Variants in BCO2 observed in about 807,000 individuals in gnomAD.
The protein encoded by BCO2 is beta-carotene oxygenase 2, also known as carotenoid-cleaving dioxygenase, mitochondrial.
Under a neutral mutation model 65.8 loss-of-function variants are expected in BCO2, and 56 were observed. That is an observed-to-expected ratio of 0.85 (90% CI 0.69 to 1.06). The LOEUF (loss-of-function observed/expected upper bound fraction) is 1.06. Among genes scored for constraint, BCO2 ranks in the 50% least tolerant of loss-of-function variants. The pLI, the probability that BCO2 is intolerant of heterozygous loss-of-function variation, is 0.00. For missense variants in BCO2, 675 were observed against 698.5 expected, an observed-to-expected ratio of 0.97 and a Z score of 0.38; for synonymous variants, 233 against 242.3, an observed-to-expected ratio of 0.96 and a Z score of 0.36.
intron 8 of BCO2, chr11:112,208,766 AG>A (rs1437761038): frequency 5.2e-6 from 1 of 191,818 alleles, no homozygotes; most frequent in Admixed American, 5.8e-5. Flanking sequence ...CAGCATTCTA[AG>A]GGAAGTAAAT....
At chr11:112,209,434 C>G (rs899387957) in intron 8 of BCO2, among the ~76,000 whole-genome samples, 1 of 152,038 alleles carries the variant, frequency 6.6e-6, no homozygotes, top group East Asian at 1.9e-4. Context: ...GAACTCATTT[C>G]TTTTTATCGC....
At chr11:112,205,376 T>C (rs1043679838) in intron 8 of BCO2, among the ~76,000 whole-genome samples, 1 of 152,256 alleles carries the variant, frequency 6.6e-6, no homozygotes, top group African/African-American at 2.4e-5. Context: ...ATATAGTGGT[T>C]TTAATTTGTA....
intron 2 of BCO2, chr11:112,181,445 T>C: frequency 1.5e-6 from 1 of 648,176 alleles, no homozygotes; most frequent in South Asian, 1.5e-5. Context: ...CCTCCCAAAG[T>C]GCTGGGATTA....
intron 2 of BCO2, chr11:112,180,719 G>A: frequency 2.5e-6 from 2 of 800,552 alleles, no homozygotes; most frequent in Non-Finnish European, 4.6e-6. Flanking sequence ...AAAGGTGGGA[G>A]GAGGACCAGG....
Position 112,179,258 on chromosome 11 carries a change from T to C in BCO2, c.89-20T>C. The C allele has an allele frequency of 3.1e-6, 5 of 1,609,228 alleles. No homozygotes were observed. The highest frequency in any genetic ancestry group is 4.3e-6 in the Non-Finnish European group (5 of 1,175,952). Reference sequence around the variant, plus strand: ...AGATTTGGTAAAATATTTTTTGTGCTTTTGGTTTCCTCTGCACAGTTTTCA... The same window carrying C: ...AGATTTGGTAAAATATTTTTTGTGCCTTTGGTTTCCTCTGCACAGTTTTCA... On this transcript the variant is annotated intron_variant, in intron 1 of 11. Transcript: ENST00000357685.
chr11:112,213,667 G>T lies in BCO2; in HGVS notation c.1195-57G>T, dbSNP rs1859574910. On this transcript the variant is annotated intron_variant, in intron 8 of 11. Transcript: ENST00000357685. ...TGATGTTGACTGGATCTAAATTATT[G>T]GGACATACTGTTACCATATGAATGA... 6 of 1,507,652 alleles carry T rather than the reference G, an allele frequency of 4.0e-6. No homozygotes were observed. The East Asian group carries it at 1.4e-4, about 34-fold the overall frequency. The allele number at this position is 1,507,652 out of a possible 1,614,324, so 93.4% of individuals were successfully genotyped here.
chr11:112,201,943 T>G, intron 7 of BCO2, 80 bp from the exon 8 acceptor site: 1 of 1,284,194 alleles, frequency 7.8e-7, no homozygotes, highest in Non-Finnish European at 1.1e-6. Context: ...TTTGAACTTT[T>G]TGGACCTGTT....
In BCO2 at chr11:112,218,286, GAGT is replaced by G. The variant is rs1859743967; in HGVS notation, c.*413_*415del. 1 of 162,480 alleles carries G rather than the reference GAGT, an allele frequency of 6.2e-6. No homozygotes were observed. Among genetic ancestry groups the G allele is most frequent in the South Asian group, 1.6e-4 (1 of 6,068 alleles). The allele number at this position is 162,480 out of a possible 1,614,324, so 10.1% of individuals were successfully genotyped here. On this transcript the variant is annotated 3_prime_UTR_variant, in exon 12 of 12. Transcript: ENST00000357685. Reference sequence around the variant, plus strand: ...CCAAGTCACGCCATGGCAGAGGCTCGAGTGCATACAAGCTTCGGTTTTACCCTT... The same window carrying G: ...CCAAGTCACGCCATGGCAGAGGCTCGGCATACAAGCTTCGGTTTTACCCTT...
At chr11:112,203,423 A>C (rs1431904754) in intron 8 of BCO2, among the ~76,000 whole-genome samples, 1 of 152,144 alleles carries the variant, frequency 6.6e-6, no homozygotes, top group Non-Finnish European at 1.5e-5. Context: ...CATGTCTATA[A>C]ATTTTAGAAT....
chr11:112,181,704 C>A, intron 2 of BCO2: 1 of 977,998 alleles, frequency 1.0e-6, no homozygotes, highest in Non-Finnish European at 1.7e-6. Context: ...CCGATTTTTA[C>A]TAGCAACTCC....
At chr11:112,177,293 T>C (rs1866911582) in intron 1 of BCO2, among the ~76,000 whole-genome samples, 2 of 152,206 alleles carry the variant, frequency 1.3e-5, no homozygotes, top group South Asian at 2.1e-4. Context: ...AGTTCCCAGA[T>C]TTTAGTATGC....
At position 112,213,713 on chromosome 11, in the gene BCO2, T is replaced by C. The variant is rs370212937; in HGVS notation, c.1195-11T>C. 22 of 1,611,682 alleles carry C rather than the reference T, an allele frequency of 1.4e-5. No individual in the cohort carries two copies. In the African/African-American group the frequency reaches 2.8e-4, roughly 21 times the overall value. On this transcript the variant is annotated splice_polypyrimidine_tract_variant and intron_variant, in intron 8 of 11. Coordinates refer to ENST00000357685, the MANE Select transcript of BCO2 (RefSeq NM_031938.7). ...AATGACAATTTTCATCTCTTTCTTC[T>C]TCCCAAACAGGTCCATAATTCAGCA...
chr11:112,217,643 G>T, intron 11 of BCO2, 118 bp from the exon 12 acceptor site: 1 of 668,884 alleles, frequency 1.5e-6, no homozygotes, highest in Non-Finnish European at 2.6e-6. Context: ...TTACAGGTGT[G>T]AGCCACTGTG....
At chr11:112,182,294 G>T (rs1455046959) in intron 2 of BCO2, among the ~76,000 whole-genome samples, 1 of 152,148 alleles carries the variant, frequency 6.6e-6, no homozygotes, top group Non-Finnish European at 1.5e-5. Context: ...ACAGTGTGGC[G>T]ATTCCTCAAG....
intron 8 of BCO2, among the ~76,000 whole-genome samples, chr11:112,206,001 A>G (rs936236161): frequency 4.6e-5 from 7 of 152,236 alleles, no homozygotes; most frequent in African/African-American, 1.7e-4. Context: ...TAAAAAGTAA[A>G]CTTTAATATT....
At chr11:112,192,432 A>G (rs955255289) in intron 2 of BCO2, among the ~76,000 whole-genome samples, 1 of 152,178 alleles carries the variant, frequency 6.6e-6, no homozygotes, top group Middle Eastern at 3.2e-3. Context: ...ATAATAAACC[A>G]TTTAAAAAGC....
chr11:112,218,431 T>C lies in BCO2; in HGVS notation c.*557T>C. ...TCATCATGGCCTAGCATGTGCAATTTGTGAAGCTGCCAAAGCGTTAGACAA... is the reference window on the plus strand; with the variant it reads ...TCATCATGGCCTAGCATGTGCAATTCGTGAAGCTGCCAAAGCGTTAGACAA... On this transcript the variant is annotated 3_prime_UTR_variant, in exon 12 of 12. Coordinates refer to ENST00000357685, the MANE Select transcript of BCO2 (RefSeq NM_031938.7). 1 of 208,580 alleles carries C rather than the reference T, an allele frequency of 4.8e-6. No individual in the cohort carries two copies. The highest frequency in any genetic ancestry group is 7.6e-5 in the South Asian group (1 of 13,180). 12.9% of individuals were successfully genotyped at this position (208,580 alleles called of 1,614,324 possible).
At position 112,217,944 on chromosome 11, in the gene BCO2, T is replaced by C; in HGVS notation, c.*70T>C. 1 of 1,167,144 alleles carries C rather than the reference T, an allele frequency of 8.6e-7. No individual in the cohort carries two copies. Among genetic ancestry groups the C allele is most frequent in the Non-Finnish European group, 1.2e-6 (1 of 806,432 alleles). 72.3% of individuals were successfully genotyped at this position (1,167,144 alleles called of 1,614,324 possible). A position where few individuals can be genotyped will look rare whatever the true frequency, so the allele number is the denominator to read the frequency against. ...CACTTGGACATAAAGACTGGAGAAA[T>C]AAACACTGAGGACTCCAAAAGGGGG... On this transcript the variant is annotated 3_prime_UTR_variant, in exon 12 of 12. Transcript: ENST00000357685.
At chr11:112,193,373 A>G (rs1184143136) in intron 2 of BCO2, 101 bp from the exon 3 acceptor site, 2 of 1,142,890 alleles carry the variant, frequency 1.7e-6, no homozygotes, top group South Asian at 1.5e-5. Flanking sequence ...AACCTGTCCC[A>G]TTTCCTTATC....
Sources: gnomAD v4.1 joint callset for allele counts (sites outside exome capture counted in the v4.1 genomes callset) on GRCh38, gnomAD v4.1.1 for gene constraint, MANE v1.5 for transcripts, NCBI Gene and HGNC (gene_info 2026-07-23, HGNC 2026-07-21) for gene names.